Variants in THOC7 observed in about 807,000 individuals in gnomAD.
THOC7 encodes the protein NIF3L1-binding protein 1.
A neutral mutation model predicts 33.1 loss-of-function variants in THOC7; 22 were observed. That is an observed-to-expected ratio of 0.66 (90% CI 0.47 to 0.95). THOC7 has a LOEUF of 0.95. THOC7 is among the 40% of genes least tolerant of loss of function. The probability of loss-of-function intolerance (pLI) is 0.00; values close to 1 mark genes in which losing one functional copy is unlikely to be tolerated. For missense variants in THOC7, 184 were observed against 245.3 expected, an observed-to-expected ratio of 0.75 and a Z score of 1.67; for synonymous variants, 77 against 76.8, an observed-to-expected ratio of 1.00 and a Z score of -0.01.
intron 5 of THOC7, among the ~76,000 whole-genome samples, chr3:63,835,791 A>G (rs930504720): frequency 1.3e-5 from 2 of 151,788 alleles, no homozygotes; most frequent in African/African-American, 4.8e-5. Flanking sequence ...TATCTCCTCT[A>G]CCTCCCACTC....
intron 1 of THOC7, among the ~76,000 whole-genome samples, chr3:63,855,198 G>C (rs959938182): frequency 1.3e-5 from 2 of 152,186 alleles, no homozygotes; most frequent in South Asian, 2.1e-4. Flanking sequence ...AAACAGGATT[G>C]GTTTAACAGT....
intron 1 of THOC7, among the ~76,000 whole-genome samples, chr3:63,855,148 T>A (rs555820480): frequency 1.3e-5 from 2 of 152,330 alleles, no homozygotes; most frequent in South Asian, 4.1e-4. Flanking sequence ...AAATGCCTCA[T>A]ATCCAATATG....
chr3:63,852,012 T>A (rs887263514), intron 1 of THOC7, among the ~76,000 whole-genome samples: 1 of 152,168 alleles, frequency 6.6e-6, no homozygotes, highest in South Asian at 2.1e-4. Flanking sequence ...CAGAGCTACC[T>A]TGGGTCTCTG....
chr3:63,845,129 A>T, intron 1 of THOC7: 1 of 663,990 alleles, frequency 1.5e-6, no homozygotes. Context: ...TATCTCCTTC[A>T]TGTAGCCCTG....
chr3:63,850,451 T>C (rs896221967), intron 1 of THOC7, among the ~76,000 whole-genome samples: 1 of 151,824 alleles, frequency 6.6e-6, no homozygotes, highest in African/African-American at 2.4e-5. Flanking sequence ...TCCACCCACC[T>C]TGGCCTCCCA....
intron 1 of THOC7, among the ~76,000 whole-genome samples, chr3:63,848,895 G>A (rs546453520): frequency 6.6e-6 from 1 of 152,244 alleles, no homozygotes; most frequent in African/African-American, 2.4e-5. Context: ...AATAAAAACA[G>A]AAACATTTGC....
chr3:63,837,041 T>C (rs1292768421), intron 4 of THOC7, among the ~76,000 whole-genome samples: 1 of 151,758 alleles, frequency 6.6e-6, no homozygotes, highest in Non-Finnish European at 1.5e-5. Context: ...ATACACATTT[T>C]AAACTGAAAA....
intron 1 of THOC7, among the ~76,000 whole-genome samples, chr3:63,851,035 A>G (rs1702010439): frequency 1.3e-5 from 2 of 152,178 alleles, no homozygotes; most frequent in African/African-American, 4.8e-5. Context: ...CTCCTCATCT[A>G]GTTATTTGAT....
chr3:63,834,023 G>C lies in THOC7; in HGVS notation c.*109C>G. The C allele has an allele frequency of 1.3e-5, 13 of 1,014,980 alleles. No homozygotes were observed. The highest frequency in any genetic ancestry group is 1.8e-5 in the Non-Finnish European group (12 of 684,998). The allele number at this position is 1,014,980 out of a possible 1,614,324, so 62.9% of individuals were successfully genotyped here. On this transcript the variant is annotated 3_prime_UTR_variant, in exon 8 of 8. Transcript: ENST00000295899. ...AAATACATTCATACTTAAAAACAGA[G>C]TATTTTACTGCCAAAACTTTAAATA...
At chr3:63,860,590 C>A (rs763215408) in intron 1 of THOC7, 1 of 152,128 alleles carries the variant, frequency 6.6e-6, no homozygotes, top group Non-Finnish European at 1.5e-5. Context: ...ACAGAGCAGA[C>A]GAGGTCCTGC....
intron 4 of THOC7, 56 bp downstream of exon 4, chr3:63,837,920 T>C (rs967492580): frequency 6.7e-7 from 1 of 1,498,562 alleles, no homozygotes; most frequent in African/African-American, 1.4e-5. Context: ...AAAAACTGCA[T>C]GAAAACTGTA....
intron 1 of THOC7, among the ~76,000 whole-genome samples, chr3:63,853,223 G>C (rs1182417262): frequency 6.6e-6 from 1 of 151,670 alleles, no homozygotes; most frequent in East Asian, 1.9e-4. Context: ...AGATGACTTG[G>C]TTAGGAAAAA....
chr3:63,857,414 C>G (rs1295181500), intron 1 of THOC7, among the ~76,000 whole-genome samples: 2 of 152,084 alleles, frequency 1.3e-5, no homozygotes, highest in African/African-American at 4.8e-5. Flanking sequence ...CTTGATTTGA[C>G]CTACTTTAAA....
At chr3:63,855,255 G>A (rs183646524) in intron 1 of THOC7, among the ~76,000 whole-genome samples, 2 of 142,024 alleles carry the variant, frequency 1.4e-5, no homozygotes, top group East Asian at 2.0e-4. Context: ...ACTGGATTTC[G>A]TTATACCATA....
chr3:63,863,735 G>C (rs1012316424), intron 1 of THOC7, 37 bp downstream of exon 1: 1 of 1,249,210 alleles, frequency 8.0e-7, no homozygotes, highest in South Asian at 3.7e-5. Context: ...CCAGCGGGCC[G>C]TGCAGCGGGC....
chr3:63,857,532 A>G (rs2107164470), intron 1 of THOC7, among the ~76,000 whole-genome samples: 1 of 152,240 alleles, frequency 6.6e-6, no homozygotes, highest in East Asian at 1.9e-4. Context: ...AATCACACAT[A>G]TTAGCCCATT....
intron 4 of THOC7, 104 bp from the exon 5 acceptor site, chr3:63,836,462 CAT>C: frequency 1.9e-6 from 2 of 1,038,188 alleles, no homozygotes; most frequent in Non-Finnish European, 2.9e-6. Flanking sequence ...TTTCCTAGTA[CAT>C]CAAGAAATGA....
At chr3:63,834,602 G>A (rs1358639401) in intron 7 of THOC7, among the ~76,000 whole-genome samples, 1 of 151,670 alleles carries the variant, frequency 6.6e-6, no homozygotes, top group Non-Finnish European at 1.5e-5. Context: ...GAGGATTGCA[G>A]TGAGCCAAGA....
chr3:63,842,814 C>T (rs1209528551), intron 1 of THOC7, among the ~76,000 whole-genome samples: 2 of 152,140 alleles, frequency 1.3e-5, no homozygotes, highest in African/African-American at 4.8e-5. Flanking sequence ...TATCAGAATT[C>T]ACCACTGATC....
Sources: allele counts gnomAD v4.1 joint callset (sites outside exome capture counted in the v4.1 genomes callset), GRCh38; gene constraint gnomAD v4.1.1; transcripts MANE v1.5; gene names NCBI Gene and HGNC (gene_info 2026-07-23, HGNC 2026-07-21).